Variants in NCAM1 observed in about 807,000 individuals in gnomAD.
NCAM1 encodes antigen recognized by monoclonal antibody 5.1H11.
A neutral mutation model predicts 109.8 loss-of-function variants in NCAM1; 14 were observed. The observed-to-expected ratio is 0.13, with a 90% confidence interval of 0.08 to 0.20. The LOEUF (loss-of-function observed/expected upper bound fraction) is 0.20. Ranked by LOEUF, NCAM1 falls within the 10% of genes least tolerant of loss-of-function variation. The pLI, the probability that NCAM1 is intolerant of heterozygous loss-of-function variation, is 1.00. For missense variants in NCAM1, 774 were observed against 1,109.9 expected (o/e 0.70, Z 4.30); for synonymous variants, 418 against 442.9 (o/e 0.94, Z 0.70).
chr11:113,159,275 A>G (rs1234801269), intron 1 of NCAM1, among the ~76,000 whole-genome samples: 4 of 152,226 alleles, frequency 2.6e-5, no homozygotes, highest in Non-Finnish European at 4.4e-5. Context: ...TAGGAGTTAC[A>G]TTCTGTGTTT....
At chr11:113,015,210 C>A (rs1185738679) in intron 1 of NCAM1, among the ~76,000 whole-genome samples, 1 of 152,208 alleles carries the variant, frequency 6.6e-6, no homozygotes, top group East Asian at 1.9e-4. Context: ...AGGCTTATGG[C>A]CCAGATTGTC....
intron 7 of NCAM1, among the ~76,000 whole-genome samples, chr11:113,209,096 T>A (rs1439057908): frequency 1.3e-5 from 2 of 152,234 alleles, no homozygotes; most frequent in Non-Finnish European, 2.9e-5. Flanking sequence ...TCTCCGCGTG[T>A]CTGTTTAGAA....
chr11:113,089,860 A>C (rs1200663419), intron 1 of NCAM1, among the ~76,000 whole-genome samples: 1 of 152,206 alleles, frequency 6.6e-6, no homozygotes, highest in Non-Finnish European at 1.5e-5. Context: ...AAACAAACCA[A>C]AGAAGTACAA....
At chr11:113,171,940 G>C (rs1943009178) in intron 1 of NCAM1, among the ~76,000 whole-genome samples, 1 of 152,112 alleles carries the variant, frequency 6.6e-6, no homozygotes, top group Admixed American at 6.5e-5. Context: ...TTATGAAAAG[G>C]GAAAATTTGG....
intron 1 of NCAM1, among the ~76,000 whole-genome samples, chr11:113,157,175 C>A (rs1942442304): frequency 7.0e-6 from 1 of 142,716 alleles, no homozygotes; most frequent in Admixed American, 6.9e-5. Flanking sequence ...AGAGTAAGAA[C>A]CCTGGCATGT....
intron 1 of NCAM1, among the ~76,000 whole-genome samples, chr11:113,102,583 A>G (rs1555091727): frequency 6.6e-6 from 1 of 152,202 alleles, no homozygotes; most frequent in African/African-American, 2.4e-5. Context: ...GCATATTGAT[A>G]TGCCAGGTGG....
At chr11:113,063,322 C>T (rs188034391) in intron 1 of NCAM1, among the ~76,000 whole-genome samples, 59 of 152,266 alleles carry the variant, frequency 3.9e-4, no homozygotes, top group Admixed American at 3.1e-3. Context: ...CCGTTAATGC[C>T]GAGATAGCCT....
At chr11:113,073,892 T>C (rs1938407703) in intron 1 of NCAM1, among the ~76,000 whole-genome samples, 1 of 152,198 alleles carries the variant, frequency 6.6e-6, no homozygotes, top group Non-Finnish European at 1.5e-5. Context: ...AATTCTAGTC[T>C]TGAAAATGTT....
At chr11:112,988,329 A>G (rs1224767250) in intron 1 of NCAM1, among the ~76,000 whole-genome samples, 1 of 152,212 alleles carries the variant, frequency 6.6e-6, no homozygotes, top group Non-Finnish European at 1.5e-5. Flanking sequence ...ACACACCACC[A>G]TTACAATATT....
intron 1 of NCAM1, among the ~76,000 whole-genome samples, chr11:113,027,876 C>T (rs540769429): frequency 3.3e-5 from 5 of 152,216 alleles, no homozygotes; most frequent in South Asian, 2.1e-4. Flanking sequence ...AAATTGACTA[C>T]GTGTCAGCGT....
intron 1 of NCAM1, among the ~76,000 whole-genome samples, chr11:113,174,753 A>AAG (rs1395195084): frequency 1.3e-5 from 2 of 152,336 alleles, no homozygotes; most frequent in East Asian, 3.9e-4. Context: ...CCCTGAGGCT[A>AAG]AGAAAGAGCA....
At chr11:113,154,852 C>A (rs1024548552) in intron 1 of NCAM1, among the ~76,000 whole-genome samples, 3 of 152,026 alleles carry the variant, frequency 2.0e-5, no homozygotes, top group Non-Finnish European at 2.9e-5. Flanking sequence ...AGGGGAGAAC[C>A]CCTGAATGAC....
At chr11:113,086,526 G>A (rs1466010640) in intron 1 of NCAM1, among the ~76,000 whole-genome samples, 1 of 152,200 alleles carries the variant, frequency 6.6e-6, no homozygotes, top group Non-Finnish European at 1.5e-5. Context: ...CTACAGTTCA[G>A]ATGCTCAGGG....
At chr11:113,097,895 G>A (rs1281483210) in intron 1 of NCAM1, among the ~76,000 whole-genome samples, 3 of 152,090 alleles carry the variant, frequency 2.0e-5, no homozygotes, top group African/African-American at 7.2e-5. Context: ...TTTATCTCCT[G>A]TTGCAGGGGC....
At chr11:113,230,550 C>T (rs1944975438) in intron 9 of NCAM1, among the ~76,000 whole-genome samples, 1 of 152,202 alleles carries the variant, frequency 6.6e-6, no homozygotes, top group Non-Finnish European at 1.5e-5. Context: ...TGCTGTATGA[C>T]ATTGCAATTC....
intron 9 of NCAM1, among the ~76,000 whole-genome samples, chr11:113,222,582 T>A (rs1402899893): frequency 6.6e-6 from 1 of 152,158 alleles, no homozygotes; most frequent in Non-Finnish European, 1.5e-5. Context: ...TGCTTTATTG[T>A]CCAAAAGTCA....
chr11:113,231,224 G>A (rs1053203333), intron 9 of NCAM1: 21 of 1,536,016 alleles, frequency 1.4e-5, no homozygotes, highest in Admixed American at 7.8e-5. Context: ...TGGCAAGTGG[G>A]CAGACAGAAA....
At chr11:113,031,824 G>A (rs1282752678) in intron 1 of NCAM1, among the ~76,000 whole-genome samples, 2 of 152,222 alleles carry the variant, frequency 1.3e-5, no homozygotes, top group African/African-American at 4.8e-5. Flanking sequence ...AGGAAGTACT[G>A]CAAGTATTGA....
intron 1 of NCAM1, among the ~76,000 whole-genome samples, chr11:112,974,028 G>A (rs75415253): frequency 5.9e-4 from 89 of 152,098 alleles, no homozygotes; most frequent in African/African-American, 2.0e-3. Flanking sequence ...CACTATAATG[G>A]TTGAGCCATA....
Sources: gnomAD v4.1 joint callset for allele counts (sites outside exome capture counted in the v4.1 genomes callset) on GRCh38, gnomAD v4.1.1 for gene constraint, MANE v1.5 for transcripts, NCBI Gene and HGNC (gene_info 2026-07-23, HGNC 2026-07-21) for gene names.